PIGK: variants seen among roughly 807,000 people sequenced by gnomAD.
The protein encoded by PIGK is phosphatidylinositol glycan anchor biosynthesis class K, also known as GPI-anchor transamidase.
In PIGK, 42 loss-of-function variants were observed where a neutral mutation model predicts 50.6. The observed-to-expected ratio is 0.83, with a 90% CI of 0.65 to 1.07. The LOEUF is 1.07. Among genes scored for constraint, PIGK ranks in the 50% least tolerant of loss-of-function variants. PIGK has a pLI of 0.00. For missense variants in PIGK, 448 were observed against 488.7 expected (o/e 0.92, Z 0.78); for synonymous variants, 151 against 156.0 (o/e 0.97, Z 0.24).
At position 77,163,937 on chromosome 1, in the gene PIGK, C is replaced by T; in HGVS notation, c.493G>A (p.Gly165Ser). The change falls in exon 6 of 11, where the codon GGT becomes AGT. Residue 165 changes from glycine to serine, a missense_variant. Transcript: ENST00000370812. ...TGAAATTTTAAGAAACCATTTCCACCATGCCCTTGTATAAAGAGTAAAAAA... is the reference window on the plus strand; with the variant it reads ...TGAAATTTTAAGAAACCATTTCCACTATGCCCTTGTATAAAGAGTAAAAAA... ...SNILIYMTGH[G>S]GNGFLKFQDS... is the part of the protein sequence containing the mutation. 6.3e-7 allele frequency: 1 copy of T among 1,582,270 alleles called. No homozygotes were observed. The highest frequency in any genetic ancestry group is 8.7e-7 in the Non-Finnish European group (1 of 1,153,282).
intron 10 of PIGK, among the ~76,000 whole-genome samples, chr1:77,103,261 A>T (rs1653588680): frequency 6.6e-6 from 1 of 152,218 alleles, no homozygotes; most frequent in African/African-American, 2.4e-5. Flanking sequence ...AATTTATGGG[A>T]CAATAACGAT....
intron 3 of PIGK, among the ~76,000 whole-genome samples, chr1:77,175,432 T>C (rs980535437): frequency 6.6e-6 from 1 of 152,138 alleles, no homozygotes; most frequent in African/African-American, 2.4e-5. Flanking sequence ...GTGTAAGTCA[T>C]GAAAGGATTC....
intron 3 of PIGK, among the ~76,000 whole-genome samples, chr1:77,192,669 A>T (rs1655937573): frequency 6.6e-6 from 1 of 152,180 alleles, no homozygotes; most frequent in Non-Finnish European, 1.5e-5. Flanking sequence ...AGAGTTCTGG[A>T]TAAGAAACTT....
At position 77,090,104 on chromosome 1, in the gene PIGK, G is replaced by A. The variant is rs1653263181; in HGVS notation, c.*2270C>T. The stretch of plus-strand genomic sequence containing the variant: ...ACCATATATTTACAATTTCAGAAGT[G>A]TTTAGTCAAAATACTATCTCATCTG... On this transcript the variant is annotated 3_prime_UTR_variant, in exon 11 of 11. Transcript: ENST00000370812. The A allele has an allele frequency of 6.6e-6, 1 of 152,208 alleles. No homozygotes were observed. Among genetic ancestry groups the A allele is most frequent in the Non-Finnish European group, 1.5e-5 (1 of 68,038 alleles). 9.4% of individuals were successfully genotyped at this position (152,208 alleles called of 1,614,324 possible).
chr1:77,210,641 A>G (rs1656397487), intron 1 of PIGK, 152 bp from the exon 2 acceptor site: 2 of 546,038 alleles, frequency 3.7e-6, no homozygotes, highest in Non-Finnish European at 6.5e-6. Context: ...ATTATGGACT[A>G]CACAAAGAAT....
At chr1:77,186,331 C>T (rs530487266) in intron 3 of PIGK, among the ~76,000 whole-genome samples, 2 of 152,158 alleles carry the variant, frequency 1.3e-5, no homozygotes, top group African/African-American at 2.4e-5. Flanking sequence ...TGAAGGACAG[C>T]GGTAAAGGGA....
At chr1:77,168,577 A>C (rs528659195) in intron 4 of PIGK, among the ~76,000 whole-genome samples, 20 of 147,732 alleles carry the variant, frequency 1.4e-4, no homozygotes, top group African/African-American at 5.2e-4. Flanking sequence ...TATATGATAC[A>C]TGAGACACAG....
At chr1:77,161,467 T>C (rs1655126164) in intron 7 of PIGK, 62 bp from the exon 8 acceptor site, 2 of 1,092,912 alleles carry the variant, frequency 1.8e-6, no homozygotes, top group Non-Finnish European at 1.4e-6. Flanking sequence ...GTTTTAAATG[T>C]AACCAAAATT....
rs577805402 is a variant in PIGK, at chr1:77,159,419, GGGT to G, written c.813+1873_813+1875del. The stretch of plus-strand genomic sequence containing the variant: ...GAGCCCCCACACAGAGTCCCCAGTG[GGGT>G]ACTGCCTAGTGGAGCTGTGAGAAGA... On this transcript the variant is annotated intron_variant, in intron 8 of 10. Transcript: ENST00000370812. Among the ~76,000 whole-genome samples the G allele has an allele frequency of 5.6e-3, 857 of 152,276 alleles. 2 individuals carry two copies. The highest frequency in any genetic ancestry group is 8.6e-3 in the Non-Finnish European group (587 of 68,018).
chr1:77,143,158 C>A (rs952461189), intron 9 of PIGK, among the ~76,000 whole-genome samples: 2 of 152,072 alleles, frequency 1.3e-5, no homozygotes, highest in Non-Finnish European at 2.9e-5. Context: ...AATACACTTT[C>A]CCCAATGATA....
At chr1:77,109,717 C>G (rs562828153) in intron 10 of PIGK, among the ~76,000 whole-genome samples, 1 of 152,236 alleles carries the variant, frequency 6.6e-6, no homozygotes, top group South Asian at 2.1e-4. Flanking sequence ...GGGATGCCCT[C>G]TCTCACCACT....
intron 1 of PIGK, among the ~76,000 whole-genome samples, chr1:77,215,221 T>C (rs1203930364): frequency 1.3e-5 from 2 of 151,960 alleles, no homozygotes; most frequent in African/African-American, 4.8e-5. Context: ...AAACTTATGC[T>C]AACAGCAAAA....
chr1:77,176,998 C>G (rs577575693), intron 3 of PIGK, among the ~76,000 whole-genome samples: 2 of 152,184 alleles, frequency 1.3e-5, no homozygotes, highest in Admixed American at 1.3e-4. Flanking sequence ...GGAAAACAAT[C>G]AAAGCTTCAG....
At chr1:77,116,385 C>T (rs1314907190) in intron 10 of PIGK, among the ~76,000 whole-genome samples, 2 of 151,940 alleles carry the variant, frequency 1.3e-5, no homozygotes, top group Non-Finnish European at 2.9e-5. Context: ...CGGGGTTTCA[C>T]CATGTTAGCC....
intron 3 of PIGK, among the ~76,000 whole-genome samples, chr1:77,200,365 G>T (rs2100582147): frequency 6.6e-6 from 1 of 152,080 alleles, no homozygotes; most frequent in African/African-American, 2.4e-5. Context: ...GTAAGAAAAT[G>T]ATAAAATCAG....
chr1:77,128,243 T>C (rs1654273983), intron 9 of PIGK, among the ~76,000 whole-genome samples: 1 of 152,082 alleles, frequency 6.6e-6, no homozygotes, highest in Non-Finnish European at 1.5e-5. Context: ...AAAGCTACTT[T>C]AAAGAAGCAC....
intron 9 of PIGK, among the ~76,000 whole-genome samples, chr1:77,143,010 C>T (rs984313319): frequency 6.6e-6 from 1 of 152,150 alleles, no homozygotes; most frequent in Non-Finnish European, 1.5e-5. Context: ...TAGCAAGGCA[C>T]ACCATTATGC....
intron 3 of PIGK, among the ~76,000 whole-genome samples, chr1:77,193,343 A>G (rs1168310769): frequency 1.3e-5 from 2 of 151,424 alleles, no homozygotes; most frequent in African/African-American, 4.9e-5. Flanking sequence ...GAGAATTACA[A>G]TGGCTGAGCA....
chr1:77,160,317 T>C (rs139983288), intron 8 of PIGK, among the ~76,000 whole-genome samples: 233 of 152,340 alleles, frequency 1.5e-3, no homozygotes, highest in Non-Finnish European at 1.9e-3. Context: ...TATTTCTTCA[T>C]AGCAGTATGA....
Sources: gnomAD v4.1 joint callset for allele counts (sites outside exome capture counted in the v4.1 genomes callset) on GRCh38, gnomAD v4.1.1 for gene constraint, MANE v1.5 for transcripts, NCBI Gene and HGNC (gene_info 2026-07-23, HGNC 2026-07-21) for gene names.